The following AFG1L variants were observed in gnomAD, a reference collection of about 807,000 sequenced individuals.
AFG1L encodes AFG1-like ATPase.
Under a neutral mutation model 62.2 loss-of-function variants are expected in AFG1L, and 53 were observed. The observed-to-expected ratio is 0.85, with a 90% CI of 0.68 to 1.07. AFG1L has a LOEUF of 1.07. AFG1L is among the 50% of genes least tolerant of loss of function. AFG1L has a pLI of 0.00. For synonymous variants in AFG1L, 228 were observed against 210.3 expected, an observed-to-expected ratio of 1.08 and a Z score of -0.73; for missense variants, 555 against 590.5, an observed-to-expected ratio of 0.94 and a Z score of 0.62.
intron 1 of AFG1L, among the ~76,000 whole-genome samples, chr6:108,306,714 G>A (rs1190193016): frequency 6.6e-6 from 1 of 152,044 alleles, no homozygotes; most frequent in Admixed American, 6.6e-5. Context: ...TTGTGCTGTC[G>A]GTCAAGTCTC....
chr6:108,321,880 C>T (rs903658661), intron 1 of AFG1L, among the ~76,000 whole-genome samples: 1 of 152,050 alleles, frequency 6.6e-6, no homozygotes, highest in South Asian at 2.1e-4. Context: ...AAGTTTATTA[C>T]TCCCTTTTAA....
At chr6:108,394,609 C>G (rs1781210746) in intron 6 of AFG1L, among the ~76,000 whole-genome samples, 1 of 152,202 alleles carries the variant, frequency 6.6e-6, no homozygotes, top group Non-Finnish European at 1.5e-5. Flanking sequence ...TTCTTTTACT[C>G]TGCATACTTA....
intron 7 of AFG1L, among the ~76,000 whole-genome samples, chr6:108,407,261 C>T (rs745746116): frequency 1.2e-4 from 18 of 152,132 alleles, no homozygotes; most frequent in Non-Finnish European, 2.2e-4. Flanking sequence ...AAAAGTTTTA[C>T]GTTTTGTTAA....
chr6:108,446,119 T>A (rs1396996571), intron 7 of AFG1L, among the ~76,000 whole-genome samples: 1 of 148,538 alleles, frequency 6.7e-6, no homozygotes, highest in East Asian at 2.0e-4. Flanking sequence ...CATATATTCC[T>A]CTCATTGCCC....
intron 7 of AFG1L, among the ~76,000 whole-genome samples, chr6:108,442,246 G>T (rs1771586426): frequency 2.6e-5 from 4 of 151,806 alleles, no homozygotes; most frequent in Admixed American, 2.6e-4. Context: ...ACAAGGGAAA[G>T]AAAGTATTTT....
intron 7 of AFG1L, among the ~76,000 whole-genome samples, chr6:108,427,977 G>T (rs1319147213): frequency 6.6e-6 from 1 of 152,086 alleles, no homozygotes; most frequent in Non-Finnish European, 1.5e-5. Flanking sequence ...TAGCTTTTGG[G>T]GTACAAGTGA....
At chr6:108,493,176 T>C (rs948779731) in intron 10 of AFG1L, among the ~76,000 whole-genome samples, 3 of 152,214 alleles carry the variant, frequency 2.0e-5, no homozygotes, top group Non-Finnish European at 2.9e-5. Context: ...AATCAAAACC[T>C]AGTGATCCGA....
chr6:108,301,089 A>G (rs1289628612), intron 1 of AFG1L, among the ~76,000 whole-genome samples: 1 of 152,176 alleles, frequency 6.6e-6, no homozygotes, highest in Non-Finnish European at 1.5e-5. Flanking sequence ...TATCCCTGAG[A>G]CTGATTATCT....
intron 1 of AFG1L, among the ~76,000 whole-genome samples, chr6:108,306,411 A>T (rs375541383): frequency 2.3e-4 from 35 of 152,286 alleles, no homozygotes; most frequent in African/African-American, 7.7e-4. Context: ...TTCATCTTGA[A>T]TCTTTCCTCA....
chr6:108,441,689 C>T (rs1771551531), intron 7 of AFG1L, among the ~76,000 whole-genome samples: 1 of 135,580 alleles, frequency 7.4e-6, no homozygotes, highest in Admixed American at 7.4e-5. Flanking sequence ...ATCTGAAAAT[C>T]TGAGGTTTAT....
intron 2 of AFG1L, among the ~76,000 whole-genome samples, chr6:108,329,999 C>CGG (rs1039647312): frequency 6.6e-6 from 1 of 151,884 alleles, no homozygotes; most frequent in African/African-American, 2.4e-5. Context: ...GAAGTGGGAC[C>CGG]GGTGGCTTTA....
chr6:108,359,317 A>C (rs1215303089), intron 5 of AFG1L: 1 of 152,248 alleles, frequency 6.6e-6, no homozygotes, highest in Non-Finnish European at 1.5e-5. Flanking sequence ...AACTGTCAGA[A>C]CACTAATGTT....
chr6:108,324,819 A>G (rs1032886472), intron 2 of AFG1L, among the ~76,000 whole-genome samples: 6 of 151,324 alleles, frequency 4.0e-5, no homozygotes, highest in Non-Finnish European at 5.9e-5. Flanking sequence ...TCAGCCTCCC[A>G]AGTAACTGGG....
In AFG1L at chr6:108,402,005, A is replaced by C; in HGVS notation, c.758A>C (p.Lys253Thr). ...TSNRPPEDLY[K>T]NGLQRANFVP... ...CATTTTTTTCTTTCAGATCTCTATA[A>C]AAATGGACTCCAAAGAGCTAACTTT... Residue 253 changes from lysine (K) to threonine (T), a missense_variant, in exon 7 of 13, where the codon AAA becomes ACA. By Grantham distance (78) the Lys-to-Thr change is moderately conservative. Transcript: ENST00000368977. 1 of 1,485,450 alleles carries C rather than the reference A, an allele frequency of 6.7e-7. No individual in the cohort carries two copies. Among genetic ancestry groups the C allele is most frequent in the Non-Finnish European group, 9.1e-7 (1 of 1,096,590 alleles). 92.0% of individuals were successfully genotyped at this position (1,485,450 alleles called of 1,614,324 possible). A position where few individuals can be genotyped will look rare whatever the true frequency, so the allele number is the denominator to read the frequency against.
intron 7 of AFG1L, among the ~76,000 whole-genome samples, chr6:108,422,477 C>CAAAAAAAAAAAAAAAAAAA (rs539232525): frequency 0.023 from 1,048 of 45,720 alleles, 207 homozygotes; most frequent in South Asian, 0.039. Flanking sequence ...TAGTCCTCAG[C>CAAAAAAAAAAAAAAAAAAA]AAAAAAAAAA....
At chr6:108,452,982 C>T (rs151099668) in intron 8 of AFG1L, among the ~76,000 whole-genome samples, 32 of 152,246 alleles carry the variant, frequency 2.1e-4, no homozygotes, top group African/African-American at 6.7e-4. Context: ...GTTAGGGCCT[C>T]GCATTCTTGG....
intron 5 of AFG1L, 80 bp from the exon 6 acceptor site, chr6:108,366,153 T>G: frequency 1.3e-6 from 1 of 747,552 alleles, no homozygotes; most frequent in Admixed American, 2.5e-5. Context: ...ACTTCCATCT[T>G]AAAAAAAAAG....
intron 8 of AFG1L, among the ~76,000 whole-genome samples, chr6:108,467,557 T>A (rs1438413601): frequency 6.6e-6 from 1 of 152,232 alleles, no homozygotes; most frequent in African/African-American, 2.4e-5. Flanking sequence ...CATTTTAAAG[T>A]AATTTTTACT....
At chr6:108,383,104 G>A (rs539456956) in intron 6 of AFG1L, among the ~76,000 whole-genome samples, 16 of 152,154 alleles carry the variant, frequency 1.1e-4, no homozygotes, top group African/African-American at 2.9e-4. Flanking sequence ...GTGGTGGTGC[G>A]CACCTGTAAT....
Sources: allele counts gnomAD v4.1 joint callset (sites outside exome capture counted in the v4.1 genomes callset), GRCh38; gene constraint gnomAD v4.1.1; transcripts MANE v1.5; gene names NCBI Gene and HGNC (gene_info 2026-07-23, HGNC 2026-07-21).